Variants in KIF19 observed in about 807,000 individuals in gnomAD.
The protein encoded by KIF19 is kinesin family member 19, also known as kinesin-like protein KIF19.
A neutral mutation model predicts 106.6 loss-of-function variants in KIF19; 98 were observed. The ratio of observed to expected loss-of-function variants is 0.92; its 90% CI spans 0.78 to 1.09. The LOEUF is 1.09. Among genes scored for constraint, KIF19 ranks in the 50% least tolerant of loss-of-function variants. The pLI is 0.00. For synonymous variants in KIF19, 516 were observed against 584.2 expected, an observed-to-expected ratio of 0.88 and a Z score of 1.68; for missense variants, 1,373 against 1,414.3, an observed-to-expected ratio of 0.97 and a Z score of 0.47.
Position 74,353,330 on chromosome 17 carries a change from G to A in KIF19, c.2220+29G>A, listed in dbSNP as rs745625960. On this transcript the variant is annotated intron_variant, in intron 16 of 19. Coordinates refer to ENST00000389916, the MANE Select transcript of KIF19 (RefSeq NM_153209.4). ...AGCTCTCAGTACCCGATGGCCCCAC[G>A]AGCTCCACTGCAGCGGGTGCGGGAC... The A allele has an allele frequency of 1.6e-5, 25 of 1,532,292 alleles. 1 individual carries two copies. In the South Asian group the frequency reaches 1.7e-4, roughly 10 times the overall value. The allele number at this position is 1,532,292 out of a possible 1,614,324, so 94.9% of individuals were successfully genotyped here.
chr17:74,345,795 C>T (rs971132086), intron 7 of KIF19, among the ~76,000 whole-genome samples: 1 of 152,106 alleles, frequency 6.6e-6, no homozygotes, highest in Non-Finnish European at 1.5e-5. Context: ...GCCTGGGGGG[C>T]TTCCTGGAAG....
At position 74,354,322 on chromosome 17, in the gene KIF19, A is replaced by G. The variant is rs1376225818; in HGVS notation, c.2469A>G (p.Pro823=). Residue 823 remains proline, a synonymous_variant, in exon 18 of 20, where the codon CCA becomes CCG. Coordinates refer to ENST00000389916, the MANE Select transcript of KIF19 (RefSeq NM_153209.4). ...HSLSEGDDAR[P]PGPLACKRPP... ...TGAGCGAGGGCGACGATGCGCGGCC[A>G]CCAGGCCCACTGGCCTGCAAGCGGC... is the stretch of plus-strand genomic sequence containing the variant. 2 of 1,608,080 alleles carry G rather than the reference A, an allele frequency of 1.2e-6. No homozygotes were observed. The highest frequency in any genetic ancestry group is 2.2e-5 in the South Asian group (2 of 90,744).
chr17:74,346,273 G>T lies in KIF19; in HGVS notation c.778-105G>T. 3 of 1,323,844 alleles carry T rather than the reference G, an allele frequency of 2.3e-6. No individual in the cohort carries two copies. Among genetic ancestry groups the T allele is most frequent in the Admixed American group, 4.6e-5 (2 of 43,896 alleles). The allele number at this position is 1,323,844 out of a possible 1,614,324, so 82.0% of individuals were successfully genotyped here. ...GAGGACGGCCACAAGGTCCTTGGGG[G>T]TTTATTACCCAGGATCACCAGGTCA... On this transcript the variant is annotated intron_variant, in intron 7 of 19. Transcript: ENST00000389916. This position sits in a 1 kb window ranked among gnomAD's most constrained non-coding sequence, Gnocchi z 4.6.
rs146936683 is a variant in KIF19 at position 74,334,441 on chromosome 17, G to A, written c.120+5936G>A. Among the ~76,000 whole-genome samples the A allele has an allele frequency of 3.9e-5, 6 of 152,242 alleles. No individual in the cohort carries two copies. In the East Asian group the frequency reaches 1.2e-3, roughly 29 times the overall value. On this transcript the variant is annotated intron_variant, in intron 2 of 19. Transcript: ENST00000389916. ...ATCTGCAGACCCTTTGAGAGACACA[G>A]CCCTAGTATATTCTTGGTTATACAC...
chr17:74,345,030 C>T, intron 7 of KIF19, 75 bp downstream of exon 7: 8 of 1,371,254 alleles, frequency 5.8e-6, no homozygotes, highest in Non-Finnish European at 7.9e-6. Context: ...AATGGTGACT[C>T]CCATGCAAGG....
intron 8 of KIF19, among the ~76,000 whole-genome samples, chr17:74,347,446 A>G (rs899407904): frequency 1.3e-5 from 2 of 151,886 alleles, no homozygotes; most frequent in African/African-American, 4.8e-5. Flanking sequence ...CTGAGGCACG[A>G]GAATTGCTTG....
At chr17:74,339,012 C>T (rs980605158) in intron 2 of KIF19, among the ~76,000 whole-genome samples, 1 of 151,972 alleles carries the variant, frequency 6.6e-6, no homozygotes. Context: ...ATGGGGCACC[C>T]CTATGACAGC....
chr17:74,354,684 A>G, intron 18 of KIF19, 98 bp from the exon 19 acceptor site: 1 of 1,522,744 alleles, frequency 6.6e-7, no homozygotes. Flanking sequence ...ACCACCCTCC[A>G]CAGTCTCTGT....
intron 2 of KIF19, 34 bp from the exon 3 acceptor site, chr17:74,341,842 G>A (rs2054381248): frequency 6.6e-7 from 1 of 1,518,912 alleles, no homozygotes; most frequent in Admixed American, 1.7e-5. Context: ...GGGGTTCCCA[G>A]GTGACCGTGG....
rs1313024946 is a variant in KIF19 at position 74,344,858 on chromosome 17, C to A, written c.680C>A (p.Thr227Asn). Residue 227 changes from threonine to asparagine, a missense_variant, in exon 7 of 20, where the codon ACC becomes AAC. By Grantham distance (65) the Thr-to-Asn change is moderately conservative. Coordinates refer to ENST00000389916, the MANE Select transcript of KIF19 (RefSeq NM_153209.4). ...CGCTCCCACGCGGTACTGCAGGTGA[C>A]CGTGCGCCAGCGCAGCCGGGTCAAG... ...SSRSHAVLQV[T>N]VRQRSRVKNI... is the part of the protein sequence containing the mutation. 1 of 1,612,846 alleles carries A rather than the reference C, an allele frequency of 6.2e-7. No individual in the cohort carries two copies. Among genetic ancestry groups the A allele is most frequent in the Admixed American group, 1.7e-5 (1 of 60,014 alleles).
intron 2 of KIF19, among the ~76,000 whole-genome samples, chr17:74,329,802 G>C (rs1020205301): frequency 6.6e-6 from 1 of 152,234 alleles, no homozygotes; most frequent in African/African-American, 2.4e-5. Context: ...TGCCCAGGTA[G>C]GAGCATCGTG....
intron 9 of KIF19, among the ~76,000 whole-genome samples, chr17:74,348,269 A>G (rs973095041): frequency 6.6e-6 from 1 of 152,204 alleles, no homozygotes; most frequent in African/African-American, 2.4e-5. Flanking sequence ...GAGCTGTTTC[A>G]CATGCTACCT....
intron 1 of KIF19, among the ~76,000 whole-genome samples, chr17:74,327,561 C>T (rs1448011046): frequency 6.6e-6 from 1 of 152,098 alleles, no homozygotes; most frequent in Non-Finnish European, 1.5e-5. Flanking sequence ...AGCTCACTGC[C>T]CCTCAAGTTC....
At chr17:74,330,219 G>C (rs919523863) in intron 2 of KIF19, among the ~76,000 whole-genome samples, 2 of 152,206 alleles carry the variant, frequency 1.3e-5, no homozygotes, top group African/African-American at 4.8e-5. Flanking sequence ...CATAAACAGT[G>C]GTTCGAGGAG....
At chr17:74,333,853 C>CT (rs1002893695) in intron 2 of KIF19, among the ~76,000 whole-genome samples, 33 of 107,490 alleles carry the variant, frequency 3.1e-4, no homozygotes, top group South Asian at 1.3e-3. Flanking sequence ...TTTTTTTTTT[C>CT]TTTTTTTTTC....
At chr17:74,326,830 C>T (rs1331709588) in intron 1 of KIF19, among the ~76,000 whole-genome samples, 1 of 152,184 alleles carries the variant, frequency 6.6e-6, no homozygotes, top group South Asian at 2.1e-4. Context: ...AGTAGGAAGA[C>T]AAGGGCCCCT....
chr17:74,328,435 G>C lies in KIF19; in HGVS notation c.50G>C (p.Arg17Pro). 2 of 1,608,898 alleles carry C rather than the reference G, an allele frequency of 1.2e-6. No individual in the cohort carries two copies. Among genetic ancestry groups the C allele is most frequent in the Non-Finnish European group, 1.7e-6 (2 of 1,178,332 alleles). The change falls in exon 2 of 20, where the codon CGG becomes CCG. Residue 17 changes from arginine to proline, a missense_variant. Arg to Pro is a moderately radical substitution (Grantham distance 103, BLOSUM62 -2). This residue lies in a region of KIF19 where 348 missense variants were observed against 389.5 expected (regional missense o/e 0.89). Coordinates refer to ENST00000389916, the MANE Select transcript of KIF19 (RefSeq NM_153209.4). The part of the protein sequence containing the change: ...SKDQQLMVAL[R>P]VRPISVAELE... ...GGTTTTCCCTCCCAGGTGGCGCTTC[G>C]GGTCCGGCCCATCAGCGTGGCAGAG...
chr17:74,350,990 G>C, intron 12 of KIF19, 85 bp downstream of exon 12: 1 of 1,409,230 alleles, frequency 7.1e-7, no homozygotes, highest in Non-Finnish European at 1.0e-6. Flanking sequence ...GGGCCAGGGT[G>C]GGGGTAGCCG....
intron 2 of KIF19, among the ~76,000 whole-genome samples, chr17:74,339,013 CT>C (rs1306435968): frequency 6.6e-6 from 1 of 151,968 alleles, no homozygotes; most frequent in Non-Finnish European, 1.5e-5. Context: ...TGGGGCACCC[CT>C]ATGACAGCCC....
Sources: gnomAD v4.1 joint callset for allele counts (sites outside exome capture counted in the v4.1 genomes callset) on GRCh38, gnomAD v4.1.1 for gene constraint, gnomAD v4.1.1 regional missense constraint, Gnocchi (gnomAD v3.1) non-coding constraint, MANE v1.5 for transcripts, NCBI Gene and HGNC (gene_info 2026-07-23, HGNC 2026-07-21) for gene names.